MMP28: variants seen among roughly 807,000 people sequenced by gnomAD.
The protein encoded by MMP28 is matrix metallopeptidase 28.
In MMP28, 55 loss-of-function variants were observed where a neutral mutation model predicts 60.5. That is an observed-to-expected ratio of 0.91 (90% CI 0.73 to 1.14). MMP28 has a LOEUF of 1.14. Ranked by LOEUF, MMP28 falls within the 50% of genes most tolerant of loss-of-function variation. The probability of loss-of-function intolerance (pLI) is 0.00; values close to 1 mark genes in which losing one functional copy is unlikely to be tolerated. For synonymous variants in MMP28, 318 were observed against 312.5 expected (o/e 1.02, Z -0.18); for missense variants, 686 against 738.3 (o/e 0.93, Z 0.82).
chr17:35,773,069 G>A (rs2086208750), intron 4 of MMP28, 111 bp downstream of exon 4: 2 of 907,164 alleles, frequency 2.2e-6, no homozygotes, highest in African/African-American at 1.7e-5. Flanking sequence ...GCAGGGAGAT[G>A]TGCCTCAGCC....
At chr17:35,772,657 T>C (rs954446209) in intron 4 of MMP28, among the ~76,000 whole-genome samples, 1 of 152,224 alleles carries the variant, frequency 6.6e-6, no homozygotes, top group Non-Finnish European at 1.5e-5. Context: ...AAAAGAGCGG[T>C]TTAAACTGCA....
chr17:35,778,112 T>G (rs1315948705), intron 3 of MMP28, among the ~76,000 whole-genome samples: 1 of 152,164 alleles, frequency 6.6e-6, no homozygotes, highest in Non-Finnish European at 1.5e-5. Context: ...ATCTGTACCA[T>G]TTAACCCCTG....
At chr17:35,764,132 G>T, downstream of MMP28, 2 of 1,549,630 alleles carry the variant, frequency 1.3e-6, no homozygotes. Flanking sequence ...GGAGGACAGC[G>T]CGACGGAGGG....
chr17:35,760,832 C>G, intron 2 of MMP28: 1 of 1,326,762 alleles, frequency 7.5e-7, no homozygotes. Context: ...TAGCCCCACC[C>G]CTTGTGACCT....
In MMP28 at chr17:35,778,730, A is replaced by T. The variant is rs940580353; in HGVS notation, c.379+158T>A. ...GAATTAAATGTCTGTATTCACAATC[A>T]TGGTCCTCAAGCCAAGAGGTCCTAT... On this transcript the variant is annotated intron_variant, in intron 3 of 7. Coordinates refer to ENST00000605424, the MANE Select transcript of MMP28 (RefSeq NM_024302.5). 2.0e-6 allele frequency: 3 copies of T among 1,474,250 alleles called. No homozygotes were observed. The African/African-American group carries it at 4.2e-5, about 21-fold the overall frequency. 91.3% of individuals were successfully genotyped at this position (1,474,250 alleles called of 1,614,324 possible).
chr17:35,778,993 C>G lies in MMP28; in HGVS notation c.274G>C (p.Gly92Arg), dbSNP rs199792911. ...GCATAACTGTTGGTATCTGTAACCC[C>G]GCAGCGGGGACGAGTCATCTGGCGC... ...TLRQMTRPRC[G>R]VTDTNSYAAW... Residue 92 changes from glycine (G) to arginine (R), a missense_variant, in exon 3 of 8, where the codon GGG becomes CGG. Gly to Arg is a moderately radical substitution (Grantham distance 125). Transcript: ENST00000605424. The G allele has an allele frequency of 1.2e-6, 2 of 1,613,932 alleles. No individual in the cohort carries two copies.
At chr17:35,762,170 A>G (rs587657700), downstream of MMP28, among the ~76,000 whole-genome samples, 12 of 152,102 alleles carry the variant, frequency 7.9e-5, no homozygotes, top group East Asian at 2.3e-3. Flanking sequence ...TGGTATTTTT[A>G]GTAGAGACGG....
chr17:35,771,703 A>G (rs1430105163), intron 4 of MMP28, among the ~76,000 whole-genome samples: 1 of 9,990 alleles, frequency 1.0e-4, no homozygotes, highest in Non-Finnish European at 1.8e-4. Flanking sequence ...GTGAATATAT[A>G]TATATATATA....
rs1388252974 is a variant in MMP28, at chr17:35,795,348, G to A, written c.30C>T (p.Arg10=). ...GGCCCCACAGTAGCAGCTGCAGGGCGCGCAGCAGGAGGCCGACGCGCGCGA... is the reference window on the plus strand; with the variant it reads ...GGCCCCACAGTAGCAGCTGCAGGGCACGCAGCAGGAGGCCGACGCGCGCGA... MVARVGLLL[R]ALQLLLWGHL... The change falls in exon 1 of 8, where the codon CGC becomes CGT. Residue 10 remains arginine, a synonymous_variant. Coordinates refer to ENST00000605424, the MANE Select transcript of MMP28 (RefSeq NM_024302.5). The A allele has an allele frequency of 4.8e-6, 7 of 1,458,976 alleles. No individual in the cohort carries two copies. The highest frequency in any genetic ancestry group is 5.4e-6 in the Non-Finnish European group (6 of 1,107,324). 90.4% of individuals were successfully genotyped at this position (1,458,976 alleles called of 1,614,324 possible).
chr17:35,768,513 G>T, intron 5 of MMP28, 134 bp from the exon 6 acceptor site: 1 of 691,034 alleles, frequency 1.4e-6, no homozygotes, highest in Non-Finnish European at 2.3e-6. Flanking sequence ...GGGAGTGGGG[G>T]TTAAGAGTTG....
Position 35,770,083 on chromosome 17 carries a change from G to T in MMP28, c.834C>A (p.Ala278=), listed in dbSNP as rs116698822. 1.9e-6 allele frequency: 3 copies of T among 1,588,578 alleles called. No homozygotes were observed. Among genetic ancestry groups the T allele is most frequent in the Non-Finnish European group, 2.6e-6 (3 of 1,168,384 alleles). The change falls in exon 5 of 8, where the codon GCC becomes GCA. Residue 278 remains alanine (A), a synonymous_variant. Coordinates refer to ENST00000605424, the MANE Select transcript of MMP28 (RefSeq NM_024302.5). ...GGGCCTCACCATACAGGCTCTGCAC[G>T]GCCAGCACGTCGTCCCAGCTGAGCA... is the stretch of plus-strand genomic sequence containing the variant. ...DALLSWDDVL[A]VQSLYGKPLG...
Position 35,766,822 on chromosome 17 carries a change from A to G in MMP28, c.1241T>C (p.Leu414Pro). 1 of 1,574,558 alleles carries G rather than the reference A, an allele frequency of 6.4e-7. No individual in the cohort carries two copies. Among genetic ancestry groups the G allele is most frequent in the South Asian group, 1.2e-5 (1 of 85,728 alleles). The stretch of plus-strand genomic sequence containing the variant: ...GAGGGCGGCGTCAGGATGGCGGGGC[A>G]GGCCCCCTGCCCGGCACAGCTGTGG... ...GLPQLCRAGGLPRHPDAALFF... is the reference protein window; with the variant it reads ...GLPQLCRAGGPPRHPDAALFF... Residue 414 changes from leucine to proline, a missense_variant, in exon 8 of 8, where the codon CTG (leucine) becomes CCG (proline). Coordinates refer to ENST00000605424, the MANE Select transcript of MMP28 (RefSeq NM_024302.5). The surrounding 1 kb of genome is among the most constrained non-coding windows in gnomAD (Gnocchi z 4.3).
intron 4 of MMP28, 37 bp downstream of exon 4, chr17:35,773,143 C>G (rs1188115613): frequency 1.3e-6 from 2 of 1,592,022 alleles, no homozygotes; most frequent in African/African-American, 2.7e-5. Context: ...GTTGGGTTCC[C>G]CTCCTGCTGT....
At chr17:35,785,602 C>T (rs2086624217) in intron 1 of MMP28, among the ~76,000 whole-genome samples, 2 of 152,042 alleles carry the variant, frequency 1.3e-5, no homozygotes, top group Admixed American at 6.6e-5. Context: ...CGCCCACCAC[C>T]ATGCCCGGCT....
At chr17:35,769,610 T>C (rs1175513534) in intron 5 of MMP28, among the ~76,000 whole-genome samples, 2 of 151,646 alleles carry the variant, frequency 1.3e-5, no homozygotes, top group Non-Finnish European at 2.9e-5. Context: ...GCTTTGGGGA[T>C]AGGGGGCATC....
intron 1 of MMP28, among the ~76,000 whole-genome samples, chr17:35,787,975 G>A (rs909127805): frequency 7.3e-6 from 1 of 137,330 alleles, no homozygotes; most frequent in Non-Finnish European, 1.5e-5. Context: ...CATGATCACA[G>A]CTCACTACAA....
Position 35,766,553 on chromosome 17 carries a change from CGGT to C in MMP28, c.1507_1509del (p.Thr503del). The C allele has an allele frequency of 1.2e-6, 2 of 1,610,146 alleles. No homozygotes were observed. Among genetic ancestry groups the C allele is most frequent in the Non-Finnish European group, 1.7e-6 (2 of 1,179,046 alleles). On this transcript the variant is annotated inframe_deletion, in exon 8 of 8. Transcript: ENST00000605424. The surrounding 1 kb of genome is among the most constrained non-coding windows in gnomAD (Gnocchi z 4.3). ...TGCCAGCAGCCCATCCAGGGCAGCT[CGGT>C]GGCCCAGCGGCCCGAGGTGGTTGCC...
intron 1 of MMP28, among the ~76,000 whole-genome samples, chr17:35,785,689 C>T (rs565517884): frequency 1.3e-5 from 2 of 152,292 alleles, no homozygotes; most frequent in African/African-American, 4.8e-5. Context: ...CCTCGTGATC[C>T]GCCCACCTCG....
intron 3 of MMP28, among the ~76,000 whole-genome samples, chr17:35,774,285 A>G (rs1324002652): frequency 2.0e-5 from 3 of 152,040 alleles, no homozygotes; most frequent in Non-Finnish European, 4.4e-5. Flanking sequence ...CTTGTGGGCT[A>G]TTTCTGAGCC....
Sources: allele counts gnomAD v4.1 joint callset (sites outside exome capture counted in the v4.1 genomes callset), GRCh38; gene constraint gnomAD v4.1.1; non-coding constraint Gnocchi (gnomAD v3.1); transcripts MANE v1.5; gene names NCBI Gene and HGNC (gene_info 2026-07-23, HGNC 2026-07-21).